The following YTHDC2 variants were observed in gnomAD, a reference collection of about 807,000 sequenced individuals.
The protein encoded by YTHDC2 is 3'-5' RNA helicase YTHDC2.
A neutral mutation model predicts 174.9 loss-of-function variants in YTHDC2; 45 were observed. The observed-to-expected ratio is 0.26, with a 90% CI of 0.20 to 0.33. The LOEUF (loss-of-function observed/expected upper bound fraction) is 0.33. Ranked by LOEUF, YTHDC2 falls within the 10% of genes least tolerant of loss-of-function variation. YTHDC2 has a pLI of 1.00. For synonymous variants in YTHDC2, 657 were observed against 574.5 expected, an observed-to-expected ratio of 1.14 and a Z score of -2.05; for missense variants, 1,650 against 1,723.7, an observed-to-expected ratio of 0.96 and a Z score of 0.76.
chr5:113,535,464 C>T (rs186396111), intron 6 of YTHDC2, among the ~76,000 whole-genome samples, 178 bp from the exon 7 acceptor site: 1 of 152,238 alleles, frequency 6.6e-6, no homozygotes, highest in East Asian at 1.9e-4. Context: ...ATCTGCATTT[C>T]ATTGTTAATG....
At chr5:113,585,603 A>C (rs1041114812) in intron 26 of YTHDC2, among the ~76,000 whole-genome samples, 1 of 150,772 alleles carries the variant, frequency 6.6e-6, no homozygotes, top group Non-Finnish European at 1.5e-5. Flanking sequence ...CATCACCCCT[A>C]CTCCCTGGTA....
rs752392890 is a variant in YTHDC2 at position 113,581,580 on chromosome 5, C to T, written c.3518C>T (p.Ser1173Phe). The T allele has an allele frequency of 5.0e-6, 8 of 1,613,954 alleles. No individual in the cohort carries two copies. The Admixed American group carries it at 1.0e-4, about 20-fold the overall frequency. Residue 1173 changes from serine to phenylalanine, a missense_variant, in exon 25 of 30, where the codon TCT (serine) becomes TTT (phenylalanine). Coordinates refer to ENST00000161863, the MANE Select transcript of YTHDC2 (RefSeq NM_022828.5). ...EEQSAGLQQPSGIGQRPRPMS... is the reference protein window; with the variant it reads ...EEQSAGLQQPFGIGQRPRPMS... The stretch of plus-strand genomic sequence containing the variant: ...CAGTCTGCAGGTTTACAACAACCAT[C>T]TGGGATTGGCCAAAGGCCAAGGCCT...
chr5:113,561,558 T>G (rs1261763113), intron 18 of YTHDC2, among the ~76,000 whole-genome samples: 2 of 150,938 alleles, frequency 1.3e-5, no homozygotes, highest in East Asian at 3.9e-4. Context: ...AACCTCCACC[T>G]CCCGGGTTCA....
At chr5:113,528,283 T>A (rs1031638786) in intron 4 of YTHDC2, among the ~76,000 whole-genome samples, 1 of 152,220 alleles carries the variant, frequency 6.6e-6, no homozygotes, top group South Asian at 2.1e-4. Flanking sequence ...TACTCTTTGC[T>A]TTTTAAGAAG....
At chr5:113,517,262 T>G (rs1773495726) in intron 2 of YTHDC2, among the ~76,000 whole-genome samples, 2 of 152,204 alleles carry the variant, frequency 1.3e-5, no homozygotes, top group East Asian at 3.9e-4. Flanking sequence ...ACTGCAAACT[T>G]AAAAGTTTCC....
intron 8 of YTHDC2, among the ~76,000 whole-genome samples, 174 bp downstream of exon 8, chr5:113,539,355 G>A (rs1431821902): frequency 2.0e-5 from 3 of 152,096 alleles, no homozygotes; most frequent in Non-Finnish European, 4.4e-5. Flanking sequence ...TTTCTGGTTT[G>A]TGTCCAGAAG....
intron 5 of YTHDC2, among the ~76,000 whole-genome samples, chr5:113,533,836 T>A (rs1438971199): frequency 1.3e-5 from 2 of 152,164 alleles, no homozygotes; most frequent in Non-Finnish European, 2.9e-5. Context: ...GATTCTGGAT[T>A]TACGATTTTC....
At position 113,565,954 on chromosome 5, in the gene YTHDC2, C is replaced by T; in HGVS notation, c.2777C>T (p.Ser926Leu). 1 of 1,613,718 alleles carries T rather than the reference C, an allele frequency of 6.2e-7. No individual in the cohort carries two copies. Among genetic ancestry groups the T allele is most frequent in the Non-Finnish European group, 8.5e-7 (1 of 1,179,812 alleles). The change falls in exon 21 of 30, where the codon TCA becomes TTA. Residue 926 changes from serine (S) to leucine (L), a missense_variant. Ser to Leu is a moderately radical substitution (Grantham distance 145, BLOSUM62 -2). This residue lies in a region of YTHDC2 where 913 missense variants were observed against 940.4 expected (regional missense o/e 0.97). Coordinates refer to ENST00000161863, the MANE Select transcript of YTHDC2 (RefSeq NM_022828.5). Reference sequence around the variant, plus strand: ...GCCTTTTGTGAAAAGAATTTTCTTTCACAGGCTACTATGGAAATAATCATA... The same window carrying T: ...GCCTTTTGTGAAAAGAATTTTCTTTTACAGGCTACTATGGAAATAATCATA... ...ERAFCEKNFL[S>L]QATMEIIIGM...
At chr5:113,522,341 A>G (rs1773934874) in intron 2 of YTHDC2, among the ~76,000 whole-genome samples, 1 of 152,098 alleles carries the variant, frequency 6.6e-6, no homozygotes. Flanking sequence ...TAGTAAATTG[A>G]TTAATGTTAA....
At position 113,522,489 on chromosome 5, in the gene YTHDC2, T is replaced by G. The variant is rs147445444; in HGVS notation, c.279-2492T>G. 2.0e-3 allele frequency among the ~76,000 whole-genome samples: 305 copies of G among 152,292 alleles called. 1 individual carries two copies. Among genetic ancestry groups the G allele is most frequent in the Admixed American group, 5.4e-3 (82 of 15,300 alleles). On this transcript the variant is annotated intron_variant, in intron 2 of 29. Transcript: ENST00000161863. ...GCTCTCAACTGTAATTTTATTACAT[T>G]TACTTTTATATTTCAAAATTGCATA...
intron 10 of YTHDC2, among the ~76,000 whole-genome samples, chr5:113,544,790 A>G (rs979935837): frequency 6.6e-6 from 1 of 150,778 alleles, no homozygotes; most frequent in Non-Finnish European, 1.5e-5. Context: ...CCTTCTCTGG[A>G]TATGTTCTAT....
chr5:113,566,099 T>C lies in YTHDC2; in HGVS notation c.2842+80T>C, dbSNP rs533192273. ...ATTTCATAGTATTTCTTATGTTAAC[T>C]GATGCCATCTATTATTTTTATGACA... On this transcript the variant is annotated intron_variant, in intron 21 of 29. Coordinates refer to ENST00000161863, the MANE Select transcript of YTHDC2 (RefSeq NM_022828.5). 3.7e-6 allele frequency: 5 copies of C among 1,362,508 alleles called. No homozygotes were observed. The East Asian group carries it at 1.2e-4, about 34-fold the overall frequency. 84.4% of individuals were successfully genotyped at this position (1,362,508 alleles called of 1,614,324 possible).
chr5:113,524,030 A>C (rs1249292844), intron 2 of YTHDC2, among the ~76,000 whole-genome samples: 1 of 152,128 alleles, frequency 6.6e-6, no homozygotes, highest in Non-Finnish European at 1.5e-5. Flanking sequence ...CAGATACTGC[A>C]CTTTGCATGT....
Position 113,594,634 on chromosome 5 carries a change from C to G in YTHDC2, c.*1160C>G, listed in dbSNP as rs1160093375. The G allele has an allele frequency of 1.3e-5, 2 of 151,948 alleles. No homozygotes were observed. The highest frequency in any genetic ancestry group is 2.9e-5 in the Non-Finnish European group (2 of 68,006). 9.4% of individuals were successfully genotyped at this position (151,948 alleles called of 1,614,324 possible). A position where few individuals can be genotyped will look rare whatever the true frequency, so the allele number is the denominator to read the frequency against. ...ACTGTTTATAAAATTTCCTTAGAGACTTTTTGAAGGGAAAATAGAGCAACA... is the reference window on the plus strand; with the variant it reads ...ACTGTTTATAAAATTTCCTTAGAGAGTTTTTGAAGGGAAAATAGAGCAACA... On this transcript the variant is annotated 3_prime_UTR_variant, in exon 30 of 30. Transcript: ENST00000161863.
At chr5:113,587,764 A>G (rs1178980292) in intron 26 of YTHDC2, among the ~76,000 whole-genome samples, 1 of 151,202 alleles carries the variant, frequency 6.6e-6, no homozygotes, top group Non-Finnish European at 1.5e-5. Flanking sequence ...CTTTCATATA[A>G]ACTTTAAAGT....
Position 113,526,829 on chromosome 5 carries a change from ATAT to A in YTHDC2, c.675+45_675+47del, listed in dbSNP as rs747184528. On this transcript the variant is annotated intron_variant, in intron 4 of 29. Transcript: ENST00000161863. The stretch of plus-strand genomic sequence containing the variant: ...GTTTATAGAAAAAAAAAAAAAAAAT[ATAT>A]ATATATATATATATATAGTCCCATA... 2.1e-3 allele frequency: 393 copies of A among 184,406 alleles called. 3 individuals are homozygous for A. Among genetic ancestry groups the A allele is most frequent in the African/African-American group, 0.017 (350 of 21,138 alleles). 11.4% of individuals were successfully genotyped at this position (184,406 alleles called of 1,614,324 possible).
intron 9 of YTHDC2, among the ~76,000 whole-genome samples, 177 bp from the exon 10 acceptor site, chr5:113,542,191 A>G (rs1015517365): frequency 1.3e-5 from 2 of 152,238 alleles, no homozygotes; most frequent in Non-Finnish European, 2.9e-5. Flanking sequence ...TATAAGGACT[A>G]GATACTGTAT....
At chr5:113,588,437 T>A (rs2112815706) in intron 26 of YTHDC2, among the ~76,000 whole-genome samples, 1 of 152,116 alleles carries the variant, frequency 6.6e-6, no homozygotes, top group East Asian at 1.9e-4. Flanking sequence ...ATTCTGTAGT[T>A]CTTTTTTCTT....
chr5:113,526,385 A>G (rs1318320847), intron 3 of YTHDC2, among the ~76,000 whole-genome samples: 1 of 152,058 alleles, frequency 6.6e-6, no homozygotes, highest in East Asian at 1.9e-4. Flanking sequence ...CAATGAGAAT[A>G]TTATGTGTAA....
Sources: gnomAD v4.1 joint callset for allele counts (sites outside exome capture counted in the v4.1 genomes callset) on GRCh38, gnomAD v4.1.1 for gene constraint, gnomAD v4.1.1 regional missense constraint, MANE v1.5 for transcripts, NCBI Gene and HGNC (gene_info 2026-07-23, HGNC 2026-07-21) for gene names.